The following PVT1 variants were observed in gnomAD, a reference collection of about 807,000 sequenced individuals.
The protein encoded by PVT1 is CXCR4/PVT1 fusion.
rs144448148 is a variant in PVT1 at position 128,045,547 on chromosome 8, C to T, written n.913-24613C>T. Among the ~76,000 whole-genome samples the T allele has an allele frequency of 9.8e-5, 15 of 152,300 alleles. No homozygotes were observed. The East Asian group carries it at 2.5e-3, about 25-fold the overall frequency. On this transcript the variant is annotated intron_variant and non_coding_transcript_variant, in intron 4 of 10. Transcript: ENST00000651587. ...CTAGGGCCAGAACCAGCTGTCTGCACGCAACCCAATGCTTTTTCCACAAGA... is the reference window on the plus strand; with the variant it reads ...CTAGGGCCAGAACCAGCTGTCTGCATGCAACCCAATGCTTTTTCCACAAGA...
At position 127,811,898 on chromosome 8, in the gene PVT1, A is replaced by AT. The variant is rs1222738155; in HGVS notation, n.372+15831dup. ...GATTTCCATCAGGGTAACAAGCATG[A>AT]TTTTCAGATTTACCTTCATTTGCAG... On this transcript the variant is annotated intron_variant and non_coding_transcript_variant, in intron 2 of 10. Coordinates refer to ENST00000651587, the Ensembl canonical transcript of PVT1. Among the ~76,000 whole-genome samples, 25 of 152,150 alleles carry AT rather than the reference A, an allele frequency of 1.6e-4. No individual in the cohort carries two copies. In the East Asian group the frequency reaches 2.9e-3, roughly 18 times the overall value.
intron 2 of PVT1, among the ~76,000 whole-genome samples, chr8:127,884,657 T>C (rs117340652): frequency 0.024 from 3,675 of 152,350 alleles, 63 homozygotes; most frequent in South Asian, 0.042. Context: ...TTTTAAATTT[T>C]AGCCAACCCA....
intron 4 of PVT1, among the ~76,000 whole-genome samples, chr8:128,005,606 G>A (rs1428542796): frequency 1.3e-5 from 2 of 152,106 alleles, no homozygotes; most frequent in Non-Finnish European, 2.9e-5. Flanking sequence ...TCTGCATCCG[G>A]ATGCATCCAG....
At chr8:127,976,920 T>G (rs1816828456) in intron 3 of PVT1, among the ~76,000 whole-genome samples, 1 of 152,112 alleles carries the variant, frequency 6.6e-6, no homozygotes, top group African/African-American at 2.4e-5. Flanking sequence ...GGAGTTTGGT[T>G]TTTTGAGTTG....
intron 2 of PVT1, among the ~76,000 whole-genome samples, chr8:127,863,888 G>C (rs1815256604): frequency 6.6e-6 from 1 of 152,180 alleles, no homozygotes; most frequent in Non-Finnish European, 1.5e-5. Context: ...GCCTGGATGA[G>C]AGTGGTAAGA....
intron 2 of PVT1, among the ~76,000 whole-genome samples, chr8:127,863,110 AT>A (rs1371322086): frequency 3.0e-5 from 4 of 134,786 alleles, no homozygotes; most frequent in Non-Finnish European, 6.3e-5. Context: ...TTATTTATTT[AT>A]TTATTTATTT....
chr8:127,940,265 A>G (rs1816331495), intron 3 of PVT1: 1 of 152,196 alleles, frequency 6.6e-6, no homozygotes. Context: ...ACTGAAAATA[A>G]TAACTGCATT....
At chr8:127,818,868 A>G (rs1041783702) in intron 2 of PVT1, among the ~76,000 whole-genome samples, 5 of 138,188 alleles carry the variant, frequency 3.6e-5, no homozygotes, top group South Asian at 4.5e-4. Flanking sequence ...AACGCTGGTT[A>G]TTCTCTCTCT....
intron 4 of PVT1, among the ~76,000 whole-genome samples, chr8:128,003,711 G>A (rs1817213250): frequency 6.6e-6 from 1 of 152,230 alleles, no homozygotes; most frequent in Non-Finnish European, 1.5e-5. Flanking sequence ...ATATGCATAT[G>A]TGTAAATTAT....
chr8:128,039,138 C>T (rs1813500473), intron 4 of PVT1, among the ~76,000 whole-genome samples: 1 of 152,170 alleles, frequency 6.6e-6, no homozygotes, highest in Non-Finnish European at 1.5e-5. Context: ...TTCTTTCTGC[C>T]TTGGTTCCCT....
chr8:128,011,967 G>A (rs756160042), intron 4 of PVT1, among the ~76,000 whole-genome samples: 1 of 152,216 alleles, frequency 6.6e-6, no homozygotes, highest in South Asian at 2.1e-4. Context: ...AAGGATCCAA[G>A]CATTGCACTG....
intron 4 of PVT1, among the ~76,000 whole-genome samples, chr8:128,062,770 G>A (rs1813847838): frequency 6.6e-6 from 1 of 152,022 alleles, no homozygotes; most frequent in Non-Finnish European, 1.5e-5. Context: ...GAATTAAATT[G>A]TTGAGAAATT....
At chr8:127,876,721 C>T (rs897721189) in intron 2 of PVT1, among the ~76,000 whole-genome samples, 5 of 152,168 alleles carry the variant, frequency 3.3e-5, no homozygotes, top group Non-Finnish European at 5.9e-5. Flanking sequence ...CCCCAGAGCA[C>T]CTGCTGCCAG....
At chr8:127,842,778 C>G (rs1408588842) in intron 2 of PVT1, among the ~76,000 whole-genome samples, 2 of 152,182 alleles carry the variant, frequency 1.3e-5, no homozygotes, top group Non-Finnish European at 2.9e-5. Context: ...TAATCAATTT[C>G]AAGAGATAGC....
chr8:127,993,321 C>A (rs777834109), intron 4 of PVT1, among the ~76,000 whole-genome samples: 3 of 152,340 alleles, frequency 2.0e-5, no homozygotes, highest in Admixed American at 2.0e-4. Flanking sequence ...TAGGCCCAGT[C>A]GGGGAGCAGT....
chr8:127,870,425 A>G (rs1815339673), intron 2 of PVT1, among the ~76,000 whole-genome samples: 1 of 152,176 alleles, frequency 6.6e-6, no homozygotes, highest in South Asian at 2.1e-4. Flanking sequence ...ACTGTGAGAG[A>G]GTGCATCTGC....
intron 2 of PVT1, among the ~76,000 whole-genome samples, chr8:127,880,868 G>T (rs764279592): frequency 6.6e-6 from 1 of 152,220 alleles, no homozygotes; most frequent in Non-Finnish European, 1.5e-5. Flanking sequence ...CAACGTGCTG[G>T]GATTACAGGC....
intron 3 of PVT1, among the ~76,000 whole-genome samples, chr8:127,896,693 C>CAGG (rs1815681335): frequency 1.3e-5 from 2 of 151,656 alleles, no homozygotes; most frequent in African/African-American, 4.9e-5. Context: ...AGACGTGTGC[C>CAGG]ATGTGATTTG....
intron 4 of PVT1, among the ~76,000 whole-genome samples, chr8:128,007,507 A>T (rs1270739866): frequency 6.6e-6 from 1 of 152,238 alleles, no homozygotes; most frequent in Non-Finnish European, 1.5e-5. Context: ...TCAATTGGAA[A>T]AGATAAGTTG....
Sources: allele counts gnomAD v4.1 joint callset (sites outside exome capture counted in the v4.1 genomes callset), GRCh38; gene constraint gnomAD v4.1.1; transcripts MANE v1.5; gene names NCBI Gene and HGNC (gene_info 2026-07-23, HGNC 2026-07-21).